CA10: variants seen among roughly 807,000 people sequenced by gnomAD.
CA10 encodes the protein carbonic anhydrase 10 (inactive), also known as carbonic anhydrase-related protein 10.
In CA10, 14 loss-of-function variants were observed where a neutral mutation model predicts 44.2. The observed-to-expected ratio is 0.32, with a 90% CI of 0.21 to 0.50. The LOEUF is 0.50. Among genes scored for constraint, CA10 ranks in the 20% least tolerant of loss-of-function variants. CA10 has a pLI of 0.99. For synonymous variants in CA10, 159 were observed against 141.6 expected, an observed-to-expected ratio of 1.12 and a Z score of -0.87; for missense variants, 350 against 409.7, an observed-to-expected ratio of 0.85 and a Z score of 1.26.
At chr17:52,134,588 A>G (rs1297718601) in intron 1 of CA10, among the ~76,000 whole-genome samples, 1 of 152,210 alleles carries the variant, frequency 6.6e-6, no homozygotes, top group East Asian at 1.9e-4. Flanking sequence ...TGGTTCTGCC[A>G]ATATTAGTTA....
chr17:51,654,288 A>G (rs1275725595), intron 4 of CA10, among the ~76,000 whole-genome samples: 1 of 152,120 alleles, frequency 6.6e-6, no homozygotes, highest in Admixed American at 6.5e-5. Flanking sequence ...GTAGGACTTT[A>G]TTTCCTCCTC....
At chr17:51,990,245 C>T (rs974639453) in intron 2 of CA10, among the ~76,000 whole-genome samples, 2 of 152,056 alleles carry the variant, frequency 1.3e-5, no homozygotes, top group African/African-American at 4.8e-5. Flanking sequence ...CCAATTGCCC[C>T]AGAATTTCCA....
intron 3 of CA10, among the ~76,000 whole-genome samples, chr17:51,870,405 C>A (rs1357898841): frequency 6.6e-6 from 1 of 152,238 alleles, no homozygotes; most frequent in African/African-American, 2.4e-5. Context: ...CTAATGTGAA[C>A]CTCCTATGGC....
chr17:51,851,939 T>C (rs1271245824), intron 3 of CA10, among the ~76,000 whole-genome samples: 1 of 152,208 alleles, frequency 6.6e-6, no homozygotes, highest in Non-Finnish European at 1.5e-5. Flanking sequence ...TAAATCCTCA[T>C]ATTTTGAAAG....
Position 52,072,299 on chromosome 17 carries a change from A to C in CA10, c.136+20T>G, listed in dbSNP as rs202074324. ...CTAATTGTTTTTAATAAATAAATTAAAGAATTAATGTGTACTTACCTGGAA... is the reference window on the plus strand; with the variant it reads ...CTAATTGTTTTTAATAAATAAATTACAGAATTAATGTGTACTTACCTGGAA... On this transcript the variant is annotated intron_variant, in intron 2 of 8. Coordinates refer to ENST00000451037, the MANE Select transcript of CA10 (RefSeq NM_020178.5). The C allele has an allele frequency of 1.7e-5, 26 of 1,499,370 alleles. No homozygotes were observed. The highest frequency in any genetic ancestry group is 2.3e-5 in the East Asian group (1 of 44,306). 92.9% of individuals were successfully genotyped at this position (1,499,370 alleles called of 1,614,324 possible).
intron 1 of CA10, among the ~76,000 whole-genome samples, chr17:52,114,479 A>G (rs1481137570): frequency 6.6e-6 from 1 of 152,206 alleles, no homozygotes; most frequent in Non-Finnish European, 1.5e-5. Context: ...AAACTCATAC[A>G]GTTGTCATTA....
chr17:51,736,333 A>C (rs868824250), intron 4 of CA10, among the ~76,000 whole-genome samples: 27 of 152,202 alleles, frequency 1.8e-4, no homozygotes, highest in African/African-American at 6.3e-4. Flanking sequence ...CAGCTGCAAC[A>C]GGTAGAAAAT....
intron 3 of CA10, among the ~76,000 whole-genome samples, chr17:51,777,057 T>C (rs1296000447): frequency 6.6e-6 from 1 of 152,208 alleles, no homozygotes; most frequent in Non-Finnish European, 1.5e-5. Context: ...AGAGAATTCA[T>C]GTTGGAAACA....
chr17:52,108,043 T>G (rs573315581), intron 1 of CA10, among the ~76,000 whole-genome samples: 46 of 151,972 alleles, frequency 3.0e-4, no homozygotes, highest in African/African-American at 1.1e-3. Flanking sequence ...AAAACGTCCT[T>G]GCATTTAATT....
chr17:52,119,554 T>C (rs139750845), intron 1 of CA10, among the ~76,000 whole-genome samples: 2 of 152,206 alleles, frequency 1.3e-5, no homozygotes, highest in African/African-American at 4.8e-5. Flanking sequence ...GCAACTCAGG[T>C]ATTTGAGGGT....
rs34639980 is a variant in CA10 at position 51,675,548 on chromosome 17, CA to C, written c.466-21813del. 4.4e-3 allele frequency among the ~76,000 whole-genome samples: 519 copies of C among 117,906 alleles called. 15 individuals carry two copies. In the South Asian group the frequency reaches 0.049, roughly 11 times the overall value. 77.4% of individuals were successfully genotyped at this position (117,906 alleles called of 152,430 possible). A position where few individuals can be genotyped will look rare whatever the true frequency, so the allele number is the denominator to read the frequency against. On this transcript the variant is annotated intron_variant, in intron 4 of 8. Coordinates refer to ENST00000451037, the MANE Select transcript of CA10 (RefSeq NM_020178.5). Reference sequence around the variant, plus strand: ...TGGGTGACAGAGTAAGACTCCATCTCAAAAAAAAAAAAAAAAAATTAGCCAG... The same window carrying C: ...TGGGTGACAGAGTAAGACTCCATCTCAAAAAAAAAAAAAAAAATTAGCCAG...
intron 2 of CA10, among the ~76,000 whole-genome samples, chr17:52,021,065 G>C (rs776794468): frequency 6.6e-6 from 1 of 151,702 alleles, no homozygotes; most frequent in Non-Finnish European, 1.5e-5. Context: ...GATGGGTATC[G>C]AGGTTGATTC....
At chr17:51,802,560 T>C (rs566291837) in intron 3 of CA10, among the ~76,000 whole-genome samples, 20 of 118,854 alleles carry the variant, frequency 1.7e-4, no homozygotes, top group Non-Finnish European at 3.1e-4. Flanking sequence ...TTGTGCCTGA[T>C]GTCTGAAAAA....
chr17:51,702,396 C>G (rs910862300), intron 4 of CA10, among the ~76,000 whole-genome samples: 2 of 152,162 alleles, frequency 1.3e-5, no homozygotes, highest in Non-Finnish European at 2.9e-5. Flanking sequence ...TTCAATCACT[C>G]TCATCCTTGG....
At chr17:51,989,723 AC>A (rs1984974382) in intron 2 of CA10, among the ~76,000 whole-genome samples, 1 of 152,040 alleles carries the variant, frequency 6.6e-6, no homozygotes, top group African/African-American at 2.4e-5. Flanking sequence ...TCTAACAAGC[AC>A]TCAAATGATA....
chr17:51,732,614 C>T (rs1173443711), intron 4 of CA10, among the ~76,000 whole-genome samples: 2 of 151,802 alleles, frequency 1.3e-5, no homozygotes. Flanking sequence ...ACTGTTCTCC[C>T]CACCATACAG....
chr17:51,876,307 C>T (rs1415262648), intron 3 of CA10, among the ~76,000 whole-genome samples: 2 of 149,996 alleles, frequency 1.3e-5, no homozygotes, highest in African/African-American at 2.4e-5. Context: ...GCTGGGACTA[C>T]AGGTGCATGC....
intron 2 of CA10, among the ~76,000 whole-genome samples, chr17:52,036,107 G>A (rs1986610440): frequency 6.6e-6 from 1 of 152,198 alleles, no homozygotes; most frequent in Non-Finnish European, 1.5e-5. Flanking sequence ...AGTTCCCAGA[G>A]GATGTTGATG....
intron 3 of CA10, among the ~76,000 whole-genome samples, chr17:51,783,658 G>C (rs1208416350): frequency 6.6e-6 from 1 of 152,180 alleles, no homozygotes; most frequent in African/African-American, 2.4e-5. Context: ...GACAAGAAAA[G>C]AAAAGGCAGT....
Sources: allele counts gnomAD v4.1 joint callset (sites outside exome capture counted in the v4.1 genomes callset), GRCh38; gene constraint gnomAD v4.1.1; transcripts MANE v1.5; gene names NCBI Gene and HGNC (gene_info 2026-07-23, HGNC 2026-07-21).